Variants in CD99L2 observed in about 807,000 individuals in gnomAD.
CD99L2 encodes CD99 antigen-like protein 2.
In CD99L2, 24 loss-of-function variants were observed where a neutral mutation model predicts 27.3. The ratio of observed to expected loss-of-function variants is 0.88; its 90% confidence interval spans 0.64 to 1.24. The LOEUF (loss-of-function observed/expected upper bound fraction) is 1.24. CD99L2 is among the 50% of genes most tolerant of loss of function. The pLI is 0.00. For missense variants in CD99L2, 255 were observed against 221.6 expected (o/e 1.15, Z -0.96); for synonymous variants, 97 against 87.9 (o/e 1.10, Z -0.58).
Position 150,898,642 on chromosome X carries a change from G to C in CD99L2, c.-54C>G, listed in dbSNP as rs781985478. 3,211 of 1,029,526 alleles carry C rather than the reference G, an allele frequency of 3.1e-3. 7 individuals are homozygous for C. The highest frequency in any genetic ancestry group is 3.3e-3 in the Non-Finnish European group (2,612 of 792,586). 84.8% of individuals were successfully genotyped at this position (1,029,526 alleles called of 1,213,427 possible). On this transcript the variant is annotated 5_prime_UTR_variant, in exon 1 of 11. Coordinates refer to ENST00000370377, the MANE Select transcript of CD99L2 (RefSeq NM_031462.4). ...GAGCACAGTTAGCGCGAGAGCGCCC[G>C]AAGGGGAGGCCGAGGAGGAGCGGGA...
Position 150,891,886 on chromosome X carries a change from A to G in CD99L2, c.67+6636T>C, listed in dbSNP as rs782410478. 3.6e-5 allele frequency among the ~76,000 whole-genome samples: 4 copies of G among 111,938 alleles called. No individual in the cohort carries two copies. The East Asian group carries it at 1.1e-3, about 31-fold the overall frequency. ...TTGAGCCAGTCCTCCCAGGCACCCA[A>G]GAGCAGAAGAGGAATAACATGCAAA... On this transcript the variant is annotated intron_variant, in intron 1 of 10. Transcript: ENST00000370377.
chrX:150,851,689 T>C (rs1557421609), intron 1 of CD99L2, among the ~76,000 whole-genome samples: 1 of 112,034 alleles, frequency 8.9e-6, no homozygotes, highest in Non-Finnish European at 1.9e-5. Context: ...TTCTGAAGCT[T>C]CCAATCCATT....
intron 1 of CD99L2, among the ~76,000 whole-genome samples, chrX:150,869,678 C>CA (rs1186985329): frequency 8.9e-6 from 1 of 111,984 alleles, no homozygotes; most frequent in Non-Finnish European, 1.9e-5. Flanking sequence ...TGTTGCCAGC[C>CA]AAGGCGTCTG....
chrX:150,826,570 T>C (rs1383585171), intron 2 of CD99L2, among the ~76,000 whole-genome samples: 1 of 111,724 alleles, frequency 9.0e-6, no homozygotes, highest in Non-Finnish European at 1.9e-5. Context: ...AGATTAGTGG[T>C]TGCTTGGGGG....
At chrX:150,868,910 G>A (rs1196388861) in intron 1 of CD99L2, among the ~76,000 whole-genome samples, 1 of 111,888 alleles carries the variant, frequency 8.9e-6, no homozygotes, top group Non-Finnish European at 1.9e-5. Flanking sequence ...ACACACATGA[G>A]GATCAATAAA....
chrX:150,803,178 G>A (rs1398293170), intron 4 of CD99L2, among the ~76,000 whole-genome samples: 2 of 111,554 alleles, frequency 1.8e-5, no homozygotes, highest in East Asian at 5.6e-4. Flanking sequence ...ACGGGCGTGA[G>A]CCACCATGCC....
At chrX:150,777,230 T>C in intron 8 of CD99L2, 1 of 450,860 alleles carries the variant, frequency 2.2e-6, no homozygotes, top group Non-Finnish European at 3.8e-6. Context: ...GTAAAGATAT[T>C]GAGGCCCATA....
At chrX:150,849,182 G>A (rs1446380258) in intron 1 of CD99L2, among the ~76,000 whole-genome samples, 1 of 111,749 alleles carries the variant, frequency 8.9e-6, no homozygotes, top group African/African-American at 3.3e-5. Context: ...ACAGTTAGGC[G>A]ATGAAGCCCC....
chrX:150,850,719 G>A (rs2046777631), intron 1 of CD99L2, among the ~76,000 whole-genome samples: 1 of 112,417 alleles, frequency 8.9e-6, no homozygotes, highest in Admixed American at 9.4e-5. Context: ...GCCACTGATG[G>A]GTTGAGCCCC....
intron 1 of CD99L2, among the ~76,000 whole-genome samples, chrX:150,856,282 T>G (rs2046887114): frequency 8.9e-6 from 1 of 112,700 alleles, no homozygotes; most frequent in African/African-American, 3.2e-5. Context: ...TGGTGGTTCT[T>G]GGCAAACAGA....
intron 7 of CD99L2, among the ~76,000 whole-genome samples, chrX:150,787,238 T>C (rs1182432242): frequency 8.9e-6 from 1 of 112,078 alleles, no homozygotes; most frequent in African/African-American, 3.2e-5. Flanking sequence ...CATGTGTGGA[T>C]TTTTGTTTTT....
Position 150,881,540 on chromosome X carries a change from T to C in CD99L2, c.67+16982A>G, listed in dbSNP as rs149992157. 3.2e-3 allele frequency among the ~76,000 whole-genome samples: 360 copies of C among 112,597 alleles called. 4 individuals carry two copies. The highest frequency in any genetic ancestry group is 0.011 in the African/African-American group (329 of 31,022). On this transcript the variant is annotated intron_variant, in intron 1 of 10. Coordinates refer to ENST00000370377, the MANE Select transcript of CD99L2 (RefSeq NM_031462.4). ...AACACAGTCAGTGCCCGCATCACCA[T>C]TGGTCCAGCACCAAGCAAGATGCCT...
chrX:150,834,049 T>C (rs782371600), intron 1 of CD99L2, among the ~76,000 whole-genome samples: 2 of 112,091 alleles, frequency 1.8e-5, no homozygotes, highest in Non-Finnish European at 3.8e-5. Context: ...ATCCAAAATA[T>C]ATAAGGAACT....
intron 1 of CD99L2, among the ~76,000 whole-genome samples, chrX:150,857,032 A>C (rs1020383057): frequency 1.8e-5 from 2 of 111,626 alleles, no homozygotes; most frequent in African/African-American, 6.5e-5. Context: ...TCAGAACTGG[A>C]AGACAGGTCT....
In CD99L2 at chrX:150,835,854, G is replaced by A. The variant is rs781998400; in HGVS notation, c.68-4561C>T. Among the ~76,000 whole-genome samples, 3 of 111,605 alleles carry A rather than the reference G, an allele frequency of 2.7e-5. No individual in the cohort carries two copies. The East Asian group carries it at 8.5e-4, about 32-fold the overall frequency. ...AACCTTCTCCATAGAGAAGTAAGAG[G>A]GGTCATTGGAGCCCACAGCTCCACT... is the stretch of plus-strand genomic sequence containing the variant. On this transcript the variant is annotated intron_variant, in intron 1 of 10. Coordinates refer to ENST00000370377, the MANE Select transcript of CD99L2 (RefSeq NM_031462.4).
At chrX:150,824,604 GAGAAGAAGA>G (rs200547894) in intron 2 of CD99L2, among the ~76,000 whole-genome samples, 1 of 96,493 alleles carries the variant, frequency 1.0e-5, no homozygotes, top group African/African-American at 4.1e-5. Flanking sequence ...GAAGAAGGAG[GAGAAGAAGA>G]AGGAGAAGAA....
intron 7 of CD99L2, among the ~76,000 whole-genome samples, chrX:150,791,056 C>G (rs1334466779): frequency 1.8e-5 from 2 of 111,148 alleles, no homozygotes; most frequent in African/African-American, 6.5e-5. Context: ...AGGGACACAA[C>G]AAGAAGATAG....
At chrX:150,856,213 C>T (rs1557421748) in intron 1 of CD99L2, among the ~76,000 whole-genome samples, 1 of 112,839 alleles carries the variant, frequency 8.9e-6, no homozygotes, top group Non-Finnish European at 1.9e-5. Flanking sequence ...TCTAGGAAGC[C>T]TCAGCCCACC....
chrX:150,780,961 CAA>C (rs2124056800), intron 7 of CD99L2, among the ~76,000 whole-genome samples: 1 of 112,159 alleles, frequency 8.9e-6, no homozygotes, highest in South Asian at 3.7e-4. Flanking sequence ...CAGTACCACT[CAA>C]AGTGTCGCAT....
Sources: gnomAD v4.1 joint callset for allele counts (sites outside exome capture counted in the v4.1 genomes callset) on GRCh38, gnomAD v4.1.1 for gene constraint, MANE v1.5 for transcripts, NCBI Gene and HGNC (gene_info 2026-07-23, HGNC 2026-07-21) for gene names.